ARMH3: variants seen among roughly 807,000 people sequenced by gnomAD.
ARMH3 encodes armadillo like helical domain containing 3, also known as armadillo-like helical domain-containing protein 3.
ARMH3 carries 60 observed loss-of-function variants against 99.1 expected under a neutral mutation model. That is an observed-to-expected ratio of 0.61 (90% CI 0.49 to 0.75). The LOEUF (loss-of-function observed/expected upper bound fraction) is 0.75, where lower values mean the gene tolerates loss of function less well. ARMH3 is among the 30% of genes least tolerant of loss of function. The probability of loss-of-function intolerance (pLI) is 0.00; values close to 1 mark genes in which losing one functional copy is unlikely to be tolerated. For synonymous variants in ARMH3, 285 were observed against 292.8 expected (o/e 0.97, Z 0.27); for missense variants, 679 against 843.1 (o/e 0.81, Z 2.41).
At position 101,852,134 on chromosome 10, in the gene ARMH3, C is replaced by A. The variant is rs115569761; in HGVS notation, c.1861-2242G>T. On this transcript the variant is annotated intron_variant, in intron 24 of 25. Transcript: ENST00000370033. Reference sequence around the variant, plus strand: ...AGCCTCAGCAATGCTTAAGACCCAGCAACTTGGGCTCAGCCTTTCCTGAGC... The same window carrying A: ...AGCCTCAGCAATGCTTAAGACCCAGAAACTTGGGCTCAGCCTTTCCTGAGC... Among the ~76,000 whole-genome samples, 309 of 152,348 alleles carry A rather than the reference C, an allele frequency of 2.0e-3. 4 individuals are homozygous for A. The highest frequency in any genetic ancestry group is 7.2e-3 in the African/African-American group (299 of 41,580).
intron 20 of ARMH3, among the ~76,000 whole-genome samples, chr10:101,969,455 A>C (rs961297945): frequency 8.5e-5 from 13 of 152,178 alleles, no homozygotes; most frequent in Non-Finnish European, 1.5e-4. Context: ...TCTCTTGAAA[A>C]ATTTCAGTCC....
intron 23 of ARMH3, among the ~76,000 whole-genome samples, chr10:101,891,003 T>C (rs1354775210): frequency 1.3e-5 from 2 of 151,496 alleles, no homozygotes; most frequent in East Asian, 2.0e-4. Context: ...GCCTCCCAAG[T>C]AGCTGGGACT....
At chr10:101,869,823 A>G (rs1249356884) in intron 24 of ARMH3, among the ~76,000 whole-genome samples, 1 of 152,180 alleles carries the variant, frequency 6.6e-6, no homozygotes, top group Non-Finnish European at 1.5e-5. Flanking sequence ...ACTTGAGCTC[A>G]AGAGTTTGAG....
chr10:102,001,310 T>C (rs2066356677), intron 15 of ARMH3, among the ~76,000 whole-genome samples: 1 of 152,056 alleles, frequency 6.6e-6, no homozygotes, highest in South Asian at 2.1e-4. Context: ...CTAAGATATA[T>C]ACTGGATAGA....
Position 101,910,559 on chromosome 10 carries a change from G to A in ARMH3, c.1782-21069C>T, listed in dbSNP as rs1287078413. ...AGCCTGGCCAACATGGCAAAACATC[G>A]TCTCTACTAAAAACCCAAAAATTAG... On this transcript the variant is annotated intron_variant, in intron 23 of 25. Transcript: ENST00000370033. 4.7e-5 allele frequency among the ~76,000 whole-genome samples: 7 copies of A among 150,146 alleles called. No homozygotes were observed. In the East Asian group the frequency reaches 8.0e-4, roughly 17 times the overall value.
At chr10:101,981,358 T>C (rs1235400252) in intron 19 of ARMH3, among the ~76,000 whole-genome samples, 1 of 152,146 alleles carries the variant, frequency 6.6e-6, no homozygotes, top group East Asian at 1.9e-4. Context: ...GCTTGGTGGC[T>C]CACGCCTGTA....
chr10:101,898,231 T>C (rs1395936727), intron 23 of ARMH3, among the ~76,000 whole-genome samples: 2 of 151,528 alleles, frequency 1.3e-5, no homozygotes, highest in Non-Finnish European at 2.9e-5. Flanking sequence ...CATGTGCCTG[T>C]TGTAGTCCCA....
At chr10:102,055,113 G>A (rs1449401009) in intron 1 of ARMH3, among the ~76,000 whole-genome samples, 1 of 151,616 alleles carries the variant, frequency 6.6e-6, no homozygotes, top group Non-Finnish European at 1.5e-5. Context: ...CCTGAGGTTG[G>A]GAGTTCGAGA....
chr10:101,942,931 A>C (rs1411738314), intron 22 of ARMH3, among the ~76,000 whole-genome samples: 2 of 152,142 alleles, frequency 1.3e-5, no homozygotes, highest in Non-Finnish European at 2.9e-5. Flanking sequence ...CTCCTACCTT[A>C]AACAACAGAA....
Position 101,877,525 on chromosome 10 carries a change from T to C in ARMH3, c.1860+11887A>G, listed in dbSNP as rs550613860. Among the ~76,000 whole-genome samples, 27 of 152,170 alleles carry C rather than the reference T, an allele frequency of 1.8e-4. No individual in the cohort carries two copies. In the South Asian group the frequency reaches 5.6e-3, roughly 32 times the overall value. On this transcript the variant is annotated intron_variant, in intron 24 of 25. Transcript: ENST00000370033. The stretch of plus-strand genomic sequence containing the variant: ...AAATACAAAAATTAGCCAGGCGTGA[T>C]GGCGTGTGCCTGTAATCCCAGCTAT...
chr10:101,881,297 T>A (rs768532040), intron 24 of ARMH3, among the ~76,000 whole-genome samples: 3 of 152,110 alleles, frequency 2.0e-5, no homozygotes, highest in Non-Finnish European at 4.4e-5. Context: ...TTTCTAAATT[T>A]ATATGTAGAG....
rs1000218002 is a variant in ARMH3 at position 101,994,647 on chromosome 10, C to A, written c.1209+650G>T. ...TTTCCCCTCAGCTCTTGTTCCTCGG[C>A]AAACTGCAATTACTGAGTTTCCAAT... On this transcript the variant is annotated intron_variant, in intron 16 of 25. Transcript: ENST00000370033. Among the ~76,000 whole-genome samples the A allele has an allele frequency of 9.8e-5, 15 of 152,330 alleles. 1 individual carries two copies. Among genetic ancestry groups the A allele is most frequent in the Middle Eastern group, 3.4e-3 (1 of 294 alleles).
At chr10:101,986,045 T>TACAC (rs753720468) in intron 19 of ARMH3, among the ~76,000 whole-genome samples, 9 of 151,102 alleles carry the variant, frequency 6.0e-5, no homozygotes, top group African/African-American at 1.7e-4. Context: ...TGAAATAAAA[T>TACAC]ACACACACAC....
rs369660890 is a variant in ARMH3 at position 101,956,611 on chromosome 10, T to G, written c.1691A>C (p.Asn564Thr). 6.2e-7 allele frequency: 1 copy of G among 1,613,110 alleles called. No individual in the cohort carries two copies. The highest frequency in any genetic ancestry group is 1.7e-5 in the Admixed American group (1 of 59,986). Residue 564 changes from asparagine (N) to threonine (T), a missense_variant, in exon 22 of 26, where the codon AAC becomes ACC. Around this residue, in one of 3 missense-constraint regions of ARMH3, gnomAD observed 389 missense variants for 456.5 expected, o/e 0.85. Transcript: ENST00000370033. ...EIIRMHQSFD[N>T]LYSMVLRLST... Reference sequence around the variant, plus strand: ...AGGCAGCTTACCCATGGAGTAGAGGTTGTCAAAGCTCTGGTGCATGCGGAT... The same window carrying G: ...AGGCAGCTTACCCATGGAGTAGAGGGTGTCAAAGCTCTGGTGCATGCGGAT...
chr10:101,914,378 C>T (rs1349750373), intron 23 of ARMH3, among the ~76,000 whole-genome samples: 2 of 150,950 alleles, frequency 1.3e-5, no homozygotes, highest in Admixed American at 1.3e-4. Flanking sequence ...ATCCCAGCTA[C>T]TCGGGAGGCT....
chr10:102,032,968 T>C, intron 4 of ARMH3, 58 bp downstream of exon 4: 1 of 1,585,060 alleles, frequency 6.3e-7, no homozygotes, highest in South Asian at 1.2e-5. Flanking sequence ...TTCAAACAGA[T>C]GTGTTACAAT....
At chr10:101,984,989 A>G (rs1846399053) in intron 19 of ARMH3, among the ~76,000 whole-genome samples, 1 of 150,962 alleles carries the variant, frequency 6.6e-6, no homozygotes, top group African/African-American at 2.4e-5. Flanking sequence ...AATTGCTTGA[A>G]CCTGGGAGGC....
chr10:101,880,162 T>G (rs2067375725), intron 24 of ARMH3, among the ~76,000 whole-genome samples: 1 of 152,214 alleles, frequency 6.6e-6, no homozygotes, highest in African/African-American at 2.4e-5. Flanking sequence ...ATACAGGCTG[T>G]TGTAGAAAAA....
intron 23 of ARMH3, among the ~76,000 whole-genome samples, chr10:101,938,687 T>C (rs1036588433): frequency 1.3e-5 from 2 of 152,238 alleles, no homozygotes; most frequent in African/African-American, 4.8e-5. Context: ...AGAAGGCAGT[T>C]TGTAATTCCT....
Sources: gnomAD v4.1 joint callset for allele counts (sites outside exome capture counted in the v4.1 genomes callset) on GRCh38, gnomAD v4.1.1 for gene constraint, gnomAD v4.1.1 regional missense constraint, MANE v1.5 for transcripts, NCBI Gene and HGNC (gene_info 2026-07-23, HGNC 2026-07-21) for gene names.